Variants in DGKZ observed in about 807,000 individuals in gnomAD.
DGKZ encodes the protein diacylglycerol kinase zeta.
Under a neutral mutation model 142.5 loss-of-function variants are expected in DGKZ, and 45 were observed. That is an observed-to-expected ratio of 0.32 (90% CI 0.25 to 0.40). The LOEUF (loss-of-function observed/expected upper bound fraction) is 0.40. Among genes scored for constraint, DGKZ ranks in the 10% least tolerant of loss-of-function variants. DGKZ has a pLI of 1.00. For missense variants in DGKZ, 755 were observed against 1,306.5 expected, an observed-to-expected ratio of 0.58 and a Z score of 6.51; for synonymous variants, 442 against 527.0, an observed-to-expected ratio of 0.84 and a Z score of 2.21.
At chr11:46,374,113 T>A (rs1944284187) in intron 14 of DGKZ, 44 bp from the exon 15 acceptor site, 1 of 1,600,072 alleles carries the variant, frequency 6.2e-7, no homozygotes, top group Non-Finnish European at 8.6e-7. Flanking sequence ...GCGGGGACAT[T>A]TGTGAGGCCC....
intron 1 of DGKZ, chr11:46,338,765 GT>G: frequency 6.6e-6 from 1 of 152,114 alleles, no homozygotes; most frequent in African/African-American, 2.4e-5. Context: ...TCCTAGTTGG[GT>G]AAGAGGCTTT....
At chr11:46,338,446 A>ACATCGCGC (rs1940116724) in intron 1 of DGKZ, among the ~76,000 whole-genome samples, 1 of 148,364 alleles carries the variant, frequency 6.7e-6, no homozygotes, top group Non-Finnish European at 1.5e-5. Flanking sequence ...CAGTAAGCCA[A>ACATCGCGC]CATCGCGCCA....
At chr11:46,349,448 G>A (rs1458114862) in intron 1 of DGKZ, among the ~76,000 whole-genome samples, 1 of 152,172 alleles carries the variant, frequency 6.6e-6, no homozygotes, top group African/African-American at 2.4e-5. Flanking sequence ...AGGTTTGTGG[G>A]TATAGGGATG....
intron 1 of DGKZ, among the ~76,000 whole-genome samples, chr11:46,348,065 C>T (rs376004870): frequency 3.3e-4 from 51 of 152,284 alleles, no homozygotes; most frequent in African/African-American, 1.1e-3. Flanking sequence ...CATTCCCTGG[C>T]ACCGGCAGTC....
chr11:46,356,602 A>T (rs569369955), intron 1 of DGKZ, among the ~76,000 whole-genome samples: 1 of 152,066 alleles, frequency 6.6e-6, no homozygotes, highest in East Asian at 1.9e-4. Context: ...CCAGGTAGGG[A>T]GACCACCGGA....
intron 4 of DGKZ, chr11:46,368,528 AGCACTGGGCAGACG>A (rs1204466987): frequency 3.0e-6 from 1 of 338,310 alleles, no homozygotes; most frequent in Non-Finnish European, 5.8e-6. Flanking sequence ...AGGTGGAGGC[AGCACTGGGCAGACG>A]GGTCAAGGCC....
At chr11:46,354,441 C>T (rs1941768075) in intron 1 of DGKZ, among the ~76,000 whole-genome samples, 2 of 152,182 alleles carry the variant, frequency 1.3e-5, no homozygotes, top group South Asian at 4.1e-4. Flanking sequence ...AGTGATCCTC[C>T]CACCTTGGCC....
intron 4 of DGKZ, chr11:46,368,967 A>T: frequency 5.7e-6 from 1 of 176,398 alleles, no homozygotes; most frequent in Non-Finnish European, 1.2e-5. Flanking sequence ...GCACTTTGGG[A>T]GGCCGAGGTA....
intron 1 of DGKZ, among the ~76,000 whole-genome samples, chr11:46,361,056 A>G (rs1167553088): frequency 6.6e-6 from 1 of 152,260 alleles, no homozygotes; most frequent in East Asian, 1.9e-4. Flanking sequence ...TCAGTGGGAC[A>G]GTAGTGCTGT....
intron 1 of DGKZ, among the ~76,000 whole-genome samples, chr11:46,353,459 A>G (rs1272167010): frequency 5.3e-5 from 8 of 152,240 alleles, no homozygotes; most frequent in Non-Finnish European, 5.9e-5. Context: ...ATGGCCACCA[A>G]GATCCCTCAA....
intron 1 of DGKZ, among the ~76,000 whole-genome samples, chr11:46,364,106 T>A (rs1412038602): frequency 6.6e-6 from 1 of 152,202 alleles, no homozygotes; most frequent in African/African-American, 2.4e-5. Flanking sequence ...CTGGTTCCCT[T>A]TCCTACCCCA....
At chr11:46,332,987 C>T (rs1029499456) in exon 1 of DGKZ, 11 of 303,224 alleles carry the variant, frequency 3.6e-5, no homozygotes, top group African/African-American at 2.4e-4. Context: ...GCTCCGGCTC[C>T]GCTCCAGCCG....
In DGKZ at chr11:46,375,571, GC is replaced by G. The variant is rs1554959427; in HGVS notation, c.1851del (p.Asn618ThrfsTer32). 1.3e-6 allele frequency: 2 copies of G among 1,590,770 alleles called. No individual in the cohort carries two copies. Among genetic ancestry groups the G allele is most frequent in the Non-Finnish European group, 1.7e-6 (2 of 1,174,694 alleles). ...GCCTCACGCATCCGCATCGCCCTGC[GC>G]AACCAGGCCACCATGGTGCAGAAGG... On this transcript the variant is annotated frameshift_variant, in exon 20 of 31. Coordinates refer to ENST00000527911, the Ensembl canonical transcript of DGKZ. LOFTEE classifies it high-confidence loss of function.
At position 46,367,026 on chromosome 11, in the gene DGKZ, C is replaced by T; in HGVS notation, c.162-265C>T. 2 of 1,480,440 alleles carry T rather than the reference C, an allele frequency of 1.4e-6. No homozygotes were observed. Among genetic ancestry groups the T allele is most frequent in the Non-Finnish European group, 1.8e-6 (2 of 1,120,588 alleles). The allele number at this position is 1,480,440 out of a possible 1,614,324, so 91.7% of individuals were successfully genotyped here. On this transcript the variant is annotated intron_variant, in intron 1 of 30. Coordinates refer to ENST00000527911, the Ensembl canonical transcript of DGKZ. The surrounding 1 kb of genome is among the most constrained non-coding windows in gnomAD (Gnocchi z 4.1). ...CCAGCAGGGCGAGTGGTGTGACCTC[C>T]TGTGGGTCTGGCCTGGGCATGGGCC...
upstream of DGKZ, among the ~76,000 whole-genome samples, chr11:46,344,038 C>T (rs1455272998): frequency 6.6e-6 from 1 of 152,020 alleles, no homozygotes; most frequent in Non-Finnish European, 1.5e-5. Flanking sequence ...CAAACTCCGC[C>T]TCCCGAATTC....
exon 16 of DGKZ, chr11:46,374,418 C>G: frequency 6.2e-7 from 1 of 1,614,104 alleles, no homozygotes; most frequent in Non-Finnish European, 8.5e-7. Flanking sequence ...CAGAGAAATT[C>G]AACAGCCGCT....
At position 46,366,883 on chromosome 11, in the gene DGKZ, C is replaced by T. The variant is rs765502991; in HGVS notation, c.162-408C>T. The stretch of plus-strand genomic sequence containing the variant: ...GCCGAAGAGCCTCAGGCACCACCGC[C>T]GGCACCATGCTGCCCACCCGTGTGC... On this transcript the variant is annotated intron_variant, in intron 1 of 30. Transcript: ENST00000527911. 6.5e-6 allele frequency: 10 copies of T among 1,548,766 alleles called. No homozygotes were observed. The Middle Eastern group carries it at 5.4e-4, about 84-fold the overall frequency.
At chr11:46,363,639 G>A (rs972192430) in intron 1 of DGKZ, among the ~76,000 whole-genome samples, 6 of 152,204 alleles carry the variant, frequency 3.9e-5, no homozygotes, top group South Asian at 2.1e-4. Flanking sequence ...AGCCCTCACC[G>A]CTGCCCACGG....
At chr11:46,333,149 G>C (rs1363254535) in exon 1 of DGKZ, 18 of 811,026 alleles carry the variant, frequency 2.2e-5, no homozygotes, top group Non-Finnish European at 2.9e-5. Context: ...GGCGTCGCTA[G>C]GGACCTGCGG....
Sources: allele counts gnomAD v4.1 joint callset (sites outside exome capture counted in the v4.1 genomes callset), GRCh38; gene constraint gnomAD v4.1.1; non-coding constraint Gnocchi (gnomAD v3.1); transcripts MANE v1.5; gene names NCBI Gene and HGNC (gene_info 2026-07-23, HGNC 2026-07-21).